Variants in FBXO15 observed in about 807,000 individuals in gnomAD.
The protein encoded by FBXO15 is F-box only protein 15.
A neutral mutation model predicts 49.5 loss-of-function variants in FBXO15; 30 were observed. The observed-to-expected ratio is 0.61, with a 90% CI of 0.45 to 0.82. FBXO15 has a LOEUF of 0.82. Among genes scored for constraint, FBXO15 ranks in the 40% least tolerant of loss-of-function variants. The pLI is 0.00. For synonymous variants in FBXO15, 250 were observed against 232.7 expected, an observed-to-expected ratio of 1.07 and a Z score of -0.68; for missense variants, 591 against 631.5, an observed-to-expected ratio of 0.94 and a Z score of 0.69.
At chr18:74,083,287 A>C (rs1258989231) in intron 8 of FBXO15, among the ~76,000 whole-genome samples, 1 of 152,204 alleles carries the variant, frequency 6.6e-6, no homozygotes, top group Non-Finnish European at 1.5e-5. Flanking sequence ...GCCAAATGAC[A>C]CGGACCCTTC....
intron 8 of FBXO15, among the ~76,000 whole-genome samples, chr18:74,088,167 T>C (rs1158243380): frequency 2.0e-5 from 3 of 152,216 alleles, no homozygotes; most frequent in Non-Finnish European, 4.4e-5. Context: ...GTCTGTTTAC[T>C]TGGTTGATAG....
At chr18:74,126,272 G>T (rs1914706890) in intron 5 of FBXO15, among the ~76,000 whole-genome samples, 171 bp from the exon 6 acceptor site, 1 of 152,148 alleles carries the variant, frequency 6.6e-6, no homozygotes, top group Non-Finnish European at 1.5e-5. Flanking sequence ...AGGCAAAATG[G>T]ATACATTCAG....
rs367718529 is a variant in FBXO15 at position 74,073,590 on chromosome 18, G to A, written c.1404C>T (p.Tyr468=). The A allele has an allele frequency of 6.4e-4, 1,030 of 1,614,200 alleles. 14 individuals carry two copies. In the South Asian group the frequency reaches 0.011, roughly 17 times the overall value. ...CGTGCACTCTTCCTTCCGCATCAAC[G>A]TAGTCCACGTTGTATGTCTGTCCCA... ...SFLGQTYNVD[Y]VDAEGRVHVE... The change falls in exon 10 of 10, where the codon TAC becomes TAT. Residue 468 remains tyrosine, a synonymous_variant. Transcript: ENST00000419743.
intron 9 of FBXO15, among the ~76,000 whole-genome samples, chr18:74,077,506 T>C (rs533531369): frequency 6.6e-6 from 1 of 152,204 alleles, no homozygotes; most frequent in Non-Finnish European, 1.5e-5. Flanking sequence ...TCCCAGGCAA[T>C]CGGCTGCAGT....
chr18:74,081,704 C>T (rs1912501569), intron 9 of FBXO15, among the ~76,000 whole-genome samples: 3 of 152,278 alleles, frequency 2.0e-5, no homozygotes, highest in Middle Eastern at 3.4e-3. Flanking sequence ...CTCCACCATA[C>T]TCAGTGACAA....
At chr18:74,135,997 C>G (rs1978697133) in intron 2 of FBXO15, 131 bp from the exon 3 acceptor site, 1 of 620,400 alleles carries the variant, frequency 1.6e-6, no homozygotes, top group Non-Finnish European at 2.8e-6. Context: ...GTACAAGAGG[C>G]AAACTGTACC....
chr18:74,135,624 G>T, intron 3 of FBXO15, 138 bp downstream of exon 3: 1 of 657,248 alleles, frequency 1.5e-6, no homozygotes, highest in Non-Finnish European at 2.6e-6. Context: ...CATAGTTAAA[G>T]CATTTGACAT....
chr18:74,111,261 C>CAAAAAAAAAAAAAAA (rs60236226), intron 8 of FBXO15, among the ~76,000 whole-genome samples: 1 of 84,362 alleles, frequency 1.2e-5, no homozygotes. Flanking sequence ...GTCTCTGTCT[C>CAAAAAAAAAAAAAAA]AAAAAAAAAA....
chr18:74,079,993 T>C (rs1377498601), intron 9 of FBXO15, among the ~76,000 whole-genome samples: 1 of 152,238 alleles, frequency 6.6e-6, no homozygotes, highest in Admixed American at 6.5e-5. Context: ...CTGACAGGCA[T>C]CGTAAACTAT....
intron 3 of FBXO15, among the ~76,000 whole-genome samples, chr18:74,135,105 C>G (rs1472370649): frequency 6.6e-6 from 1 of 152,116 alleles, no homozygotes; most frequent in Non-Finnish European, 1.5e-5. Context: ...GAGATGCAGG[C>G]TAAGATTATA....
chr18:74,102,883 C>T (rs549415158), intron 8 of FBXO15, among the ~76,000 whole-genome samples: 2 of 152,080 alleles, frequency 1.3e-5, no homozygotes, highest in Non-Finnish European at 2.9e-5. Context: ...CATGTTTTCA[C>T]TCATAAGTGG....
At chr18:74,128,543 T>C (rs983561408) in intron 5 of FBXO15, among the ~76,000 whole-genome samples, 1 of 151,934 alleles carries the variant, frequency 6.6e-6, no homozygotes, top group African/African-American at 2.4e-5. Context: ...ACTGAGACAG[T>C]GAAGGAGATG....
intron 8 of FBXO15, among the ~76,000 whole-genome samples, chr18:74,117,905 A>C (rs955494770): frequency 6.6e-6 from 1 of 152,190 alleles, no homozygotes; most frequent in African/African-American, 2.4e-5. Context: ...CAGTCCACTG[A>C]GACAGACCTA....
At position 74,130,284 on chromosome 18, in the gene FBXO15, A is replaced by G. The variant is rs1978323404; in HGVS notation, c.575+132T>C. 3.2e-6 allele frequency: 4 copies of G among 1,253,576 alleles called. No homozygotes were observed. The East Asian group carries it at 9.4e-5, about 30-fold the overall frequency. The allele number at this position is 1,253,576 out of a possible 1,614,324, so 77.7% of individuals were successfully genotyped here. A position where few individuals can be genotyped will look rare whatever the true frequency, so the allele number is the denominator to read the frequency against. On this transcript the variant is annotated intron_variant, in intron 4 of 9. Coordinates refer to ENST00000419743, the MANE Select transcript of FBXO15 (RefSeq NM_001142958.2). ...AGGCTATGCGGAATAGGAAAATGATACATATTTTATAGATGCACAAAACAC... is the reference window on the plus strand; with the variant it reads ...AGGCTATGCGGAATAGGAAAATGATGCATATTTTATAGATGCACAAAACAC...
At chr18:74,136,694 A>G (rs1568181440) in intron 2 of FBXO15, among the ~76,000 whole-genome samples, 1 of 152,132 alleles carries the variant, frequency 6.6e-6, no homozygotes, top group Non-Finnish European at 1.5e-5. Context: ...TATTCCACCT[A>G]TTTCTATGAT....
intron 8 of FBXO15, among the ~76,000 whole-genome samples, chr18:74,105,083 G>A (rs547590099): frequency 2.0e-4 from 31 of 152,228 alleles, no homozygotes; most frequent in East Asian, 5.8e-4. Flanking sequence ...AATATTGCAC[G>A]TTCTCACTTA....
In FBXO15 at chr18:74,126,016, T is replaced by G. The variant is rs767675255; in HGVS notation, c.871A>C (p.Ile291Leu). ...TMIGCDRLIR[I>L]FCLHPGLLVG... is the part of the protein sequence containing the mutation. Reference sequence around the variant, plus strand: ...AGGAGGCCAGGGTGCAGGCAGAAGATCCGAATGAGTCTGTCACAGCCAATC... The same window carrying G: ...AGGAGGCCAGGGTGCAGGCAGAAGAGCCGAATGAGTCTGTCACAGCCAATC... The change falls in exon 6 of 10, where the codon ATC becomes CTC. Residue 291 changes from isoleucine (I) to leucine (L), a missense_variant. Coordinates refer to ENST00000419743, the MANE Select transcript of FBXO15 (RefSeq NM_001142958.2). 2 of 1,614,002 alleles carry G rather than the reference T, an allele frequency of 1.2e-6. No individual in the cohort carries two copies. Among genetic ancestry groups the G allele is most frequent in the South Asian group, 2.2e-5 (2 of 91,070 alleles).
At chr18:74,145,001 A>C (rs942775581) in intron 1 of FBXO15, among the ~76,000 whole-genome samples, 16 of 152,244 alleles carry the variant, frequency 1.1e-4, no homozygotes, top group African/African-American at 3.9e-4. Flanking sequence ...AGTTCCTCAA[A>C]GTCATGCTGT....
At chr18:74,081,579 C>T (rs1038012214) in intron 9 of FBXO15, among the ~76,000 whole-genome samples, 5 of 152,194 alleles carry the variant, frequency 3.3e-5, no homozygotes, top group Non-Finnish European at 7.3e-5. Flanking sequence ...ATGCTGCCTG[C>T]GTGGTCCAAC....
Sources: gnomAD v4.1 joint callset for allele counts (sites outside exome capture counted in the v4.1 genomes callset) on GRCh38, gnomAD v4.1.1 for gene constraint, MANE v1.5 for transcripts, NCBI Gene and HGNC (gene_info 2026-07-23, HGNC 2026-07-21) for gene names.